NEDD4L: variants seen among roughly 807,000 people sequenced by gnomAD.
NEDD4L encodes the protein NEDD4 like E3 ubiquitin protein ligase, also known as E3 ubiquitin-protein ligase NEDD4-like.
In NEDD4L, 54 loss-of-function variants were observed where a neutral mutation model predicts 148.9. The observed-to-expected ratio is 0.36, with a 90% CI of 0.29 to 0.45. The LOEUF (loss-of-function observed/expected upper bound fraction) is 0.45. Ranked by LOEUF, NEDD4L falls within the 20% of genes least tolerant of loss-of-function variation. NEDD4L has a pLI of 1.00. For synonymous variants in NEDD4L, 433 were observed against 440.7 expected, an observed-to-expected ratio of 0.98 and a Z score of 0.22; for missense variants, 856 against 1,233.8, an observed-to-expected ratio of 0.69 and a Z score of 4.59.
chr18:58,332,037 A>G (rs1168181348), intron 11 of NEDD4L, among the ~76,000 whole-genome samples: 1 of 152,246 alleles, frequency 6.6e-6, no homozygotes, highest in African/African-American at 2.4e-5. Flanking sequence ...TTGAACTGAT[A>G]AAACTGTTGT....
At position 58,135,715 on chromosome 18, in the gene NEDD4L, T is replaced by C. The variant is rs117036179; in HGVS notation, c.49-30073T>C. On this transcript the variant is annotated intron_variant, in intron 1 of 30. Coordinates refer to ENST00000400345, the MANE Select transcript of NEDD4L (RefSeq NM_001144967.3). The stretch of plus-strand genomic sequence containing the variant: ...ACATTTGCAAAGTTTTCTTCATTGG[T>C]ATTCCTGGTACGTGGACTGGAATAT... Among the ~76,000 whole-genome samples the C allele has an allele frequency of 5.8e-4, 89 of 152,362 alleles. No homozygotes were observed. In the East Asian group the frequency reaches 0.016, roughly 27 times the overall value.
intron 5 of NEDD4L, among the ~76,000 whole-genome samples, chr18:58,294,078 A>G (rs1283129420): frequency 6.6e-6 from 1 of 152,180 alleles, no homozygotes; most frequent in Non-Finnish European, 1.5e-5. Flanking sequence ...GGTGCCATGA[A>G]CACCTATTTT....
chr18:58,348,326 C>CTTTTTTTTTTTTTTTTTTTTTTTT lies in NEDD4L; in HGVS notation c.1576-1188_1576-1187insTTTTTTTTTTTTTTTTTTTTTTTT, dbSNP rs771263533. Reference sequence around the variant, plus strand: ...CACTGCATTTCTTTTTCTTTTTTTTCTTTTTTTTTTTTTTTTTTTTTTTGA... The same window carrying CTTTTTTTTTTTTTTTTTTTTTTTT: ...CACTGCATTTCTTTTTCTTTTTTTTCTTTTTTTTTTTTTTTTTTTTTTTTTTTTTTTTTTTTTTTTTTTTTTTGA... On this transcript the variant is annotated intron_variant, in intron 16 of 30. Coordinates refer to ENST00000400345, the MANE Select transcript of NEDD4L (RefSeq NM_001144967.3). Among the ~76,000 whole-genome samples, 120 of 88,650 alleles carry CTTTTTTTTTTTTTTTTTTTTTTTT rather than the reference C, an allele frequency of 1.4e-3. 3 individuals are homozygous for CTTTTTTTTTTTTTTTTTTTTTTTT. Among genetic ancestry groups the CTTTTTTTTTTTTTTTTTTTTTTTT allele is most frequent in the African/African-American group, 2.3e-3 (43 of 18,528 alleles). The allele number at this position is 88,650 out of a possible 152,430, so 58.2% of individuals were successfully genotyped here.
intron 2 of NEDD4L, chr18:58,228,009 T>G (rs569787324): frequency 5.5e-6 from 1 of 182,212 alleles, no homozygotes; most frequent in African/African-American, 2.4e-5. Flanking sequence ...AAGTGTATGC[T>G]TCACGATGGA....
chr18:58,171,791 C>T (rs2037539252), intron 2 of NEDD4L, among the ~76,000 whole-genome samples: 1 of 152,148 alleles, frequency 6.6e-6, no homozygotes, highest in African/African-American at 2.4e-5. Flanking sequence ...CACAAAGGCT[C>T]TTTGTGGACC....
chr18:58,323,752 G>A (rs1314402638), intron 8 of NEDD4L, among the ~76,000 whole-genome samples: 2 of 152,038 alleles, frequency 1.3e-5, no homozygotes, highest in East Asian at 1.9e-4. Flanking sequence ...GGCCACAGGT[G>A]ACAGCCTGCA....
At chr18:58,276,166 A>G (rs1484614879) in intron 5 of NEDD4L, among the ~76,000 whole-genome samples, 1 of 146,756 alleles carries the variant, frequency 6.8e-6, no homozygotes, top group African/African-American at 2.6e-5. Flanking sequence ...TACATAAAGT[A>G]CTCGATTTAA....
chr18:58,263,482 A>AT (rs1360677916), intron 5 of NEDD4L, among the ~76,000 whole-genome samples: 1 of 152,164 alleles, frequency 6.6e-6, no homozygotes, highest in Non-Finnish European at 1.5e-5. Context: ...TGGGGTTGTT[A>AT]TTAAGCATGT....
intron 2 of NEDD4L, among the ~76,000 whole-genome samples, chr18:58,237,211 C>G (rs913946051): frequency 6.6e-6 from 1 of 152,016 alleles, no homozygotes; most frequent in African/African-American, 2.4e-5. Flanking sequence ...GTCTGTTTAC[C>G]TCTATTCCCC....
chr18:58,096,145 TA>T (rs1400903830), intron 1 of NEDD4L, among the ~76,000 whole-genome samples: 1 of 152,050 alleles, frequency 6.6e-6, no homozygotes, highest in African/African-American at 2.4e-5. Context: ...TGGTAGAACC[TA>T]ATGTTAGTGT....
chr18:58,263,807 G>C (rs2049828695), intron 5 of NEDD4L, among the ~76,000 whole-genome samples: 1 of 152,064 alleles, frequency 6.6e-6, no homozygotes. Context: ...ATACTGAAAT[G>C]TAATAATGTA....
chr18:58,226,261 G>A (rs931970674), intron 2 of NEDD4L, among the ~76,000 whole-genome samples: 2 of 152,290 alleles, frequency 1.3e-5, no homozygotes, highest in Non-Finnish European at 2.9e-5. Context: ...CCTCTAAGAG[G>A]TATAGTAGTT....
chr18:58,193,374 C>T (rs1203847881), intron 2 of NEDD4L, among the ~76,000 whole-genome samples: 1 of 152,042 alleles, frequency 6.6e-6, no homozygotes, highest in Admixed American at 6.6e-5. Context: ...AAAGAGGCAC[C>T]CTCTCCTGTC....
chr18:58,073,514 C>T (rs553961822), intron 1 of NEDD4L, among the ~76,000 whole-genome samples: 2 of 152,260 alleles, frequency 1.3e-5, no homozygotes, highest in African/African-American at 4.8e-5. Flanking sequence ...GTGGTATATC[C>T]ATACAATGGG....
chr18:58,360,887 A>AC (rs2045384846), intron 19 of NEDD4L, among the ~76,000 whole-genome samples: 1 of 151,858 alleles, frequency 6.6e-6, no homozygotes, highest in Non-Finnish European at 1.5e-5. Context: ...GGGTTCATGC[A>AC]CCCCCAGTCA....
Position 58,366,262 on chromosome 18 carries a change from C to G in NEDD4L, c.2063+34C>G. 7.2e-7 allele frequency: 1 copy of G among 1,383,714 alleles called. No homozygotes were observed. The highest frequency in any genetic ancestry group is 9.9e-7 in the Non-Finnish European group (1 of 1,008,516). The allele number at this position is 1,383,714 out of a possible 1,614,324, so 85.7% of individuals were successfully genotyped here. On this transcript the variant is annotated intron_variant, in intron 21 of 30. Transcript: ENST00000400345. This position sits in a 1 kb window ranked among gnomAD's most constrained non-coding sequence, Gnocchi z 4.2. Reference sequence around the variant, plus strand: ...ATGGCCACACCCAGTGTGTGTCCCCCACTGAGACAGTTGTATGAATTTAAA... The same window carrying G: ...ATGGCCACACCCAGTGTGTGTCCCCGACTGAGACAGTTGTATGAATTTAAA...
intron 2 of NEDD4L, among the ~76,000 whole-genome samples, chr18:58,177,173 C>T (rs926798486): frequency 8.5e-5 from 13 of 152,198 alleles, no homozygotes; most frequent in Middle Eastern, 6.8e-3. Flanking sequence ...GCTGTCTTTG[C>T]CTGTGCCCCC....
rs1013015307 is a variant in NEDD4L, at chr18:58,140,546, T to C, written c.49-25242T>C. Among the ~76,000 whole-genome samples, 4 of 152,152 alleles carry C rather than the reference T, an allele frequency of 2.6e-5. No individual in the cohort carries two copies. In the South Asian group the frequency reaches 8.3e-4, roughly 32 times the overall value. ...CCAGCACGAGGAAATACATAGTGTGTCCCCTTGTCATTTTATAAAAATGTA... is the reference window on the plus strand; with the variant it reads ...CCAGCACGAGGAAATACATAGTGTGCCCCCTTGTCATTTTATAAAAATGTA... On this transcript the variant is annotated intron_variant, in intron 1 of 30. Transcript: ENST00000400345.
intron 1 of NEDD4L, among the ~76,000 whole-genome samples, chr18:58,080,322 T>C (rs1285153973): frequency 6.6e-6 from 1 of 152,224 alleles, no homozygotes; most frequent in Non-Finnish European, 1.5e-5. Context: ...CTTACTCAGG[T>C]TTCAGAGTTC....
Sources: allele counts gnomAD v4.1 joint callset (sites outside exome capture counted in the v4.1 genomes callset), GRCh38; gene constraint gnomAD v4.1.1; non-coding constraint Gnocchi (gnomAD v3.1); transcripts MANE v1.5; gene names NCBI Gene and HGNC (gene_info 2026-07-23, HGNC 2026-07-21).